The following LINGO2 variants were observed in gnomAD, a reference collection of about 807,000 sequenced individuals.
LINGO2 encodes leucine rich repeat and Ig domain containing 2.
In LINGO2, 14 loss-of-function variants were observed where a neutral mutation model predicts 30.6. The ratio of observed to expected loss-of-function variants is 0.46; its 90% CI spans 0.30 to 0.72. The LOEUF (loss-of-function observed/expected upper bound fraction) is 0.72. LINGO2 is among the 30% of genes least tolerant of loss of function. The pLI is 0.07. For missense variants in LINGO2, 729 were observed against 751.7 expected (o/e 0.97, Z 0.35); for synonymous variants, 317 against 288.5 (o/e 1.10, Z -1.00).
chr9:28,974,841 T>A, the LINGO2 span, among the ~76,000 whole-genome samples: 1 of 151,956 alleles, frequency 6.6e-6, no homozygotes, highest in Non-Finnish European at 1.5e-5. Flanking sequence ...GATGAGAAAA[T>A]CCTGACTCAA....
chr9:28,634,144 G>A (rs1377224122), intron 1 of LINGO2, among the ~76,000 whole-genome samples: 1 of 152,110 alleles, frequency 6.6e-6, no homozygotes, highest in African/African-American at 2.4e-5. Flanking sequence ...TTAGCCCCAT[G>A]GAATTACATT....
intron 1 of LINGO2, among the ~76,000 whole-genome samples, chr9:28,561,340 C>T (rs1035946132): frequency 6.6e-6 from 1 of 151,696 alleles, no homozygotes; most frequent in African/African-American, 2.4e-5. Context: ...CAGCTCTGGC[C>T]ACTAGGAGAT....
intron 4 of LINGO2, among the ~76,000 whole-genome samples, chr9:28,207,354 C>T (rs1254360251): frequency 6.6e-6 from 1 of 152,088 alleles, no homozygotes; most frequent in Non-Finnish European, 1.5e-5. Context: ...AAATACCAAT[C>T]TCACAATCTT....
chr9:29,161,409 C>T, the LINGO2 span, among the ~76,000 whole-genome samples: 6 of 152,190 alleles, frequency 3.9e-5, no homozygotes, highest in Non-Finnish European at 7.3e-5. Flanking sequence ...TAGCCCTGAA[C>T]CTGACATAAG....
At chr9:28,317,396 C>G (rs1001910541) in intron 3 of LINGO2, among the ~76,000 whole-genome samples, 1 of 152,138 alleles carries the variant, frequency 6.6e-6, no homozygotes, top group Non-Finnish European at 1.5e-5. Context: ...AAATAAAAAT[C>G]TTATAAATGT....
intron 4 of LINGO2, among the ~76,000 whole-genome samples, chr9:28,020,354 C>A (rs1327541534): frequency 2.0e-5 from 3 of 152,070 alleles, no homozygotes; most frequent in Admixed American, 1.3e-4. Flanking sequence ...TACGGTGAAA[C>A]CTCGACTCTA....
At chr9:27,974,799 A>G (rs1341265443) in intron 5 of LINGO2, among the ~76,000 whole-genome samples, 4 of 152,310 alleles carry the variant, frequency 2.6e-5, no homozygotes, top group East Asian at 3.9e-4. Flanking sequence ...CTTGCTTATC[A>G]CCTTAGAGAA....
chr9:28,602,470 T>C (rs1412288896), intron 1 of LINGO2, among the ~76,000 whole-genome samples: 2 of 152,152 alleles, frequency 1.3e-5, no homozygotes, highest in Non-Finnish European at 2.9e-5. Flanking sequence ...ATGTTTTACT[T>C]AAATTTCTGA....
At chr9:28,812,802 T>C in the LINGO2 span, among the ~76,000 whole-genome samples, 1 of 152,144 alleles carries the variant, frequency 6.6e-6, no homozygotes, top group Non-Finnish European at 1.5e-5. Flanking sequence ...CCCAACTCTG[T>C]TACATTTGGA....
At chr9:28,392,593 G>A (rs1392401741) in intron 2 of LINGO2, among the ~76,000 whole-genome samples, 2 of 152,134 alleles carry the variant, frequency 1.3e-5, no homozygotes, top group African/African-American at 2.4e-5. Flanking sequence ...ACACCTGGAG[G>A]TGTTCATCAA....
At chr9:28,184,356 A>G (rs1425919813) in intron 4 of LINGO2, among the ~76,000 whole-genome samples, 1 of 152,170 alleles carries the variant, frequency 6.6e-6, no homozygotes, top group East Asian at 1.9e-4. Context: ...ACAACAAGTG[A>G]TACTATGAGG....
intron 4 of LINGO2, among the ~76,000 whole-genome samples, chr9:28,193,668 C>T (rs1250645947): frequency 6.6e-6 from 1 of 152,196 alleles, no homozygotes; most frequent in Non-Finnish European, 1.5e-5. Context: ...TAAGTCACCT[C>T]CAAACTCGGT....
At chr9:28,652,022 T>G (rs1828125867) in intron 1 of LINGO2, among the ~76,000 whole-genome samples, 1 of 152,202 alleles carries the variant, frequency 6.6e-6, no homozygotes, top group Non-Finnish European at 1.5e-5. Context: ...TTTTTAAATT[T>G]TAATTACCTT....
chr9:29,192,645 T>C, the LINGO2 span, among the ~76,000 whole-genome samples: 5 of 152,354 alleles, frequency 3.3e-5, no homozygotes, highest in East Asian at 9.6e-4. Flanking sequence ...CACTAGAGAC[T>C]ATATATTGTT....
At chr9:29,162,248 G>A in the LINGO2 span, among the ~76,000 whole-genome samples, 7 of 152,036 alleles carry the variant, frequency 4.6e-5, no homozygotes, top group Non-Finnish European at 7.4e-5. Flanking sequence ...AGCATAAAAA[G>A]ATAACCATTC....
chr9:28,878,212 C>G, the LINGO2 span, among the ~76,000 whole-genome samples: 5 of 152,150 alleles, frequency 3.3e-5, no homozygotes, highest in Non-Finnish European at 7.3e-5. Flanking sequence ...ACAAACACCT[C>G]TATGCAAATA....
chr9:28,046,161 C>T (rs1208988690), intron 4 of LINGO2, among the ~76,000 whole-genome samples: 1 of 152,144 alleles, frequency 6.6e-6, no homozygotes, highest in Non-Finnish European at 1.5e-5. Flanking sequence ...AAATGAGATC[C>T]TTTTGCTATT....
intron 3 of LINGO2, among the ~76,000 whole-genome samples, chr9:28,325,874 A>C (rs1466818562): frequency 4.6e-5 from 7 of 152,060 alleles, no homozygotes; most frequent in Non-Finnish European, 1.0e-4. Flanking sequence ...AGGGCTTAAA[A>C]ACTCTCCCAC....
At chr9:28,342,549 G>A (rs1225442546) in intron 3 of LINGO2, among the ~76,000 whole-genome samples, 2 of 151,970 alleles carry the variant, frequency 1.3e-5, no homozygotes, top group Non-Finnish European at 2.9e-5. Context: ...CCTTTGGTGA[G>A]ATCTGGGTAT....
Sources: gnomAD v4.1 joint callset for allele counts (sites outside exome capture counted in the v4.1 genomes callset) on GRCh38, gnomAD v4.1.1 for gene constraint, MANE v1.5 for transcripts, NCBI Gene and HGNC (gene_info 2026-07-23, HGNC 2026-07-21) for gene names.